Variants in XYLT1 observed in about 807,000 individuals in gnomAD.
XYLT1 encodes the protein xylosyltransferase 1, also known as beta-D-xylosyltransferase 1.
XYLT1 carries 36 observed loss-of-function variants against 91.3 expected under a neutral mutation model. The ratio of observed to expected loss-of-function variants is 0.39; its 90% CI spans 0.30 to 0.52. XYLT1 has a LOEUF of 0.52. Ranked by LOEUF, XYLT1 falls within the 20% of genes least tolerant of loss-of-function variation. XYLT1 has a pLI of 0.68. For missense variants in XYLT1, 1,242 were observed against 1,284.5 expected (o/e 0.97, Z 0.51); for synonymous variants, 588 against 532.0 (o/e 1.11, Z -1.45).
chr16:17,343,774 G>A (rs2035100669), intron 2 of XYLT1, among the ~76,000 whole-genome samples: 1 of 152,132 alleles, frequency 6.6e-6, no homozygotes. Context: ...CAGTGTGCTT[G>A]GCTTTTTAAA....
intron 1 of XYLT1, among the ~76,000 whole-genome samples, chr16:17,386,381 G>C (rs1364236769): frequency 1.3e-5 from 2 of 152,146 alleles, no homozygotes; most frequent in Non-Finnish European, 2.9e-5. Flanking sequence ...AGAGCTGGAG[G>C]CGGGGAGGTT....
intron 1 of XYLT1, among the ~76,000 whole-genome samples, chr16:17,362,756 T>C (rs2035401364): frequency 6.6e-6 from 1 of 152,268 alleles, no homozygotes; most frequent in African/African-American, 2.4e-5. Context: ...AAGCATGTTC[T>C]CTTCCTTTGC....
chr16:17,226,475 T>C (rs530716037), intron 3 of XYLT1, among the ~76,000 whole-genome samples: 208 of 152,328 alleles, frequency 1.4e-3, no homozygotes, highest in Non-Finnish European at 1.9e-3. Context: ...AGGAGCATCC[T>C]TTCTTTAGTT....
At chr16:17,115,933 G>T (rs1046230517) in intron 11 of XYLT1, among the ~76,000 whole-genome samples, 2 of 146,844 alleles carry the variant, frequency 1.4e-5, no homozygotes, top group African/African-American at 5.0e-5. Context: ...CCTTAACCCA[G>T]TGGAATATCA....
chr16:17,380,137 A>C (rs1011292387), intron 1 of XYLT1, among the ~76,000 whole-genome samples: 8 of 152,012 alleles, frequency 5.3e-5, no homozygotes, highest in African/African-American at 1.9e-4. Flanking sequence ...AAAACACAAA[A>C]ATTAGCTAGG....
chr16:17,287,916 G>A (rs757505137), intron 2 of XYLT1, among the ~76,000 whole-genome samples: 2 of 151,058 alleles, frequency 1.3e-5, no homozygotes, highest in Non-Finnish European at 2.9e-5. Flanking sequence ...GATGTGCCAG[G>A]AACTCTATTA....
At chr16:17,360,432 G>T (rs1811495738) in intron 1 of XYLT1, among the ~76,000 whole-genome samples, 1 of 152,212 alleles carries the variant, frequency 6.6e-6, no homozygotes, top group African/African-American at 2.4e-5. Context: ...CAAAATCAGA[G>T]ACCTTATCAG....
At chr16:17,431,244 T>C (rs1361028058) in intron 1 of XYLT1, among the ~76,000 whole-genome samples, 1 of 152,194 alleles carries the variant, frequency 6.6e-6, no homozygotes, top group African/African-American at 2.4e-5. Flanking sequence ...CAAGGCCTTA[T>C]TTTGCTGACC....
Position 17,191,263 on chromosome 16 carries a change from T to G in XYLT1, c.1289+6949A>C, listed in dbSNP as rs191459739. Among the ~76,000 whole-genome samples, 108 of 152,314 alleles carry G rather than the reference T, an allele frequency of 7.1e-4. 1 individual carries two copies. The highest frequency in any genetic ancestry group is 5.2e-3 in the Admixed American group (79 of 15,306). ...AGTGCTACATATACATTTGCTGTGG[T>G]TGCTGTGCGGTCTTAACTACAGGAA... On this transcript the variant is annotated intron_variant, in intron 5 of 11. Transcript: ENST00000261381.
rs116524670 is a variant in XYLT1 at position 17,401,359 on chromosome 16, C to A, written c.364-43309G>T. ...GGACTTCCTGCAAGTTCAATCTCTG[C>A]CTAAATTTATACAGAGAGATATACT... is the stretch of plus-strand genomic sequence containing the variant. On this transcript the variant is annotated intron_variant, in intron 1 of 11. Transcript: ENST00000261381. 2.1e-3 allele frequency among the ~76,000 whole-genome samples: 321 copies of A among 152,234 alleles called. 1 individual carries two copies. The highest frequency in any genetic ancestry group is 7.1e-3 in the African/African-American group (293 of 41,548).
At chr16:17,284,380 C>T (rs1402252107) in intron 2 of XYLT1, among the ~76,000 whole-genome samples, 1 of 152,146 alleles carries the variant, frequency 6.6e-6, no homozygotes, top group Non-Finnish European at 1.5e-5. Flanking sequence ...AGCTCCTGCC[C>T]TAATGGAACT....
chr16:17,410,720 G>A (rs563400425), intron 1 of XYLT1, among the ~76,000 whole-genome samples: 2 of 146,062 alleles, frequency 1.4e-5, no homozygotes, highest in African/African-American at 5.1e-5. Context: ...TTGGCTCACT[G>A]CAACCTCTGC....
intron 6 of XYLT1, among the ~76,000 whole-genome samples, chr16:17,142,323 C>T (rs1395253602): frequency 6.6e-6 from 1 of 151,898 alleles, no homozygotes; most frequent in African/African-American, 2.4e-5. Flanking sequence ...CTGCATGGGG[C>T]CTGGATTACA....
chr16:17,278,084 G>T (rs1489656833), intron 2 of XYLT1, among the ~76,000 whole-genome samples: 1 of 152,250 alleles, frequency 6.6e-6, no homozygotes, highest in East Asian at 1.9e-4. Flanking sequence ...ATCTAGTTCG[G>T]GTAGACAGTT....
In XYLT1 at chr16:17,148,295, G is replaced by T. The variant is rs140595797; in HGVS notation, c.1371-6926C>A. On this transcript the variant is annotated intron_variant, in intron 6 of 11. Coordinates refer to ENST00000261381, the MANE Select transcript of XYLT1 (RefSeq NM_022166.4). ...CCTAAGGATGACATCCCTCCCCCAT[G>T]CCTGGCATCCTCAATCCTCCTTTCA... 5.0e-3 allele frequency among the ~76,000 whole-genome samples: 763 copies of T among 152,236 alleles called. 3 individuals carry two copies. Among genetic ancestry groups the T allele is most frequent in the African/African-American group, 0.017 (699 of 41,538 alleles).
chr16:17,212,790 G>A (rs1723380523), intron 3 of XYLT1, among the ~76,000 whole-genome samples: 1 of 152,178 alleles, frequency 6.6e-6, no homozygotes, highest in Non-Finnish European at 1.5e-5. Context: ...GGAAACTGGT[G>A]GGATAGATAT....
chr16:17,219,861 T>C (rs1049070372), intron 3 of XYLT1, among the ~76,000 whole-genome samples: 1 of 152,148 alleles, frequency 6.6e-6, no homozygotes, highest in Non-Finnish European at 1.5e-5. Context: ...AAACTCCGTC[T>C]CTACTAGAAA....
chr16:17,402,247 G>A (rs977678930), intron 1 of XYLT1, among the ~76,000 whole-genome samples: 6 of 152,032 alleles, frequency 3.9e-5, no homozygotes, highest in African/African-American at 9.7e-5. Context: ...TTGAGCCGGT[G>A]AGGTCAAGGC....
rs567833253 is a variant in XYLT1 at position 17,313,632 on chromosome 16, T to A, written c.402+44380A>T. 1.5e-4 allele frequency among the ~76,000 whole-genome samples: 23 copies of A among 151,764 alleles called. No homozygotes were observed. The South Asian group carries it at 4.8e-3, about 32-fold the overall frequency. ...ATTGATGCTGCTATAATGCTGTCTG[T>A]GTAACTTAGGCAAGAAAAGGTTTCC... On this transcript the variant is annotated intron_variant, in intron 2 of 11. Coordinates refer to ENST00000261381, the MANE Select transcript of XYLT1 (RefSeq NM_022166.4).
Sources: gnomAD v4.1 joint callset for allele counts (sites outside exome capture counted in the v4.1 genomes callset) on GRCh38, gnomAD v4.1.1 for gene constraint, MANE v1.5 for transcripts, NCBI Gene and HGNC (gene_info 2026-07-23, HGNC 2026-07-21) for gene names.